The following MIER2 variants were observed in gnomAD, a reference collection of about 807,000 sequenced individuals.
MIER2 encodes the protein MIER family member 2.
MIER2 carries 30 observed loss-of-function variants against 67.6 expected under a neutral mutation model. The ratio of observed to expected loss-of-function variants is 0.44; its 90% CI spans 0.33 to 0.60. The LOEUF (loss-of-function observed/expected upper bound fraction) is 0.60, where lower values mean the gene tolerates loss of function less well. MIER2 is among the 20% of genes least tolerant of loss of function. MIER2 has a pLI of 0.02. For missense variants in MIER2, 702 were observed against 745.1 expected, an observed-to-expected ratio of 0.94 and a Z score of 0.67; for synonymous variants, 372 against 312.6, an observed-to-expected ratio of 1.19 and a Z score of -2.00.
chr19:306,818 C>A (rs1359027600), intron 13 of MIER2, 107 bp from the exon 14 acceptor site: 17 of 1,523,922 alleles, frequency 1.1e-5, no homozygotes, highest in Non-Finnish European at 1.4e-5. Context: ...CTTGCCTCCC[C>A]CACAGCCTAT....
At chr19:341,049 A>G (rs1219288374) in intron 1 of MIER2, among the ~76,000 whole-genome samples, 1 of 152,178 alleles carries the variant, frequency 6.6e-6, no homozygotes, top group Non-Finnish European at 1.5e-5. Context: ...CCAGCCCACA[A>G]CCACTCTACA....
intron 7 of MIER2, 24 bp from the exon 8 acceptor site, chr19:313,667 C>A: frequency 6.2e-7 from 1 of 1,602,224 alleles, no homozygotes. Flanking sequence ...GGGCAAAGGT[C>A]AGCTTGCAGG....
At chr19:317,323 C>A (rs914142507) in intron 7 of MIER2, among the ~76,000 whole-genome samples, 1 of 151,804 alleles carries the variant, frequency 6.6e-6, no homozygotes, top group African/African-American at 2.4e-5. Flanking sequence ...GTCAGGAGAT[C>A]GAGACCACCC....
intron 1 of MIER2, among the ~76,000 whole-genome samples, chr19:337,265 A>G (rs1478087454): frequency 6.6e-6 from 1 of 152,238 alleles, no homozygotes; most frequent in Non-Finnish European, 1.5e-5. Context: ...TGCAAGGTCG[A>G]TTTAATATCC....
chr19:328,381 T>C (rs1333822942), intron 3 of MIER2, among the ~76,000 whole-genome samples: 1 of 151,052 alleles, frequency 6.6e-6, no homozygotes, highest in Non-Finnish European at 1.5e-5. Flanking sequence ...AAAAAAGTTA[T>C]CTGAAAAAGG....
chr19:309,345 C>G (rs994096715), intron 10 of MIER2, among the ~76,000 whole-genome samples: 1 of 152,122 alleles, frequency 6.6e-6, no homozygotes, highest in Non-Finnish European at 1.5e-5. Context: ...TGACAACCCC[C>G]GGGTCCACAG....
chr19:319,502 A>G (rs1971409312), intron 7 of MIER2, among the ~76,000 whole-genome samples: 1 of 152,218 alleles, frequency 6.6e-6, no homozygotes, highest in Non-Finnish European at 1.5e-5. Flanking sequence ...TCTGTCACCC[A>G]GGCTGGAGTG....
rs764545665 is a variant in MIER2 at position 313,509 on chromosome 19, C to G, written c.790G>C (p.Val264Leu). The G allele has an allele frequency of 6.2e-7, 1 of 1,612,062 alleles. No homozygotes were observed. The highest frequency in any genetic ancestry group is 1.7e-5 in the Admixed American group (1 of 59,980). ...GCCCCCACCTGCTCACTGTCTTTCA[C>G]GGCTTCTCCCTCTGGGAGCTGAGGC... ...AGPQLPEGEA[V>L]KDSEQALYEL... Residue 264 changes from valine to leucine, a missense_variant, in exon 8 of 14, where the codon GTG (valine) becomes CTG (leucine). This residue lies in a region of MIER2 where 128 missense variants were observed against 189.7 expected (regional missense o/e 0.67). Coordinates refer to ENST00000264819, the MANE Select transcript of MIER2 (RefSeq NM_017550.3).
At chr19:330,105 A>C (rs528586654) in intron 3 of MIER2, among the ~76,000 whole-genome samples, 17 of 152,230 alleles carry the variant, frequency 1.1e-4, no homozygotes, top group African/African-American at 4.1e-4. Flanking sequence ...GCCACTCAGA[A>C]AGGCACCTGG....
intron 7 of MIER2, among the ~76,000 whole-genome samples, chr19:318,109 G>A (rs1351207026): frequency 1.3e-5 from 2 of 151,756 alleles, no homozygotes; most frequent in South Asian, 2.1e-4. Flanking sequence ...GAGGCAGAGG[G>A]GGAAGAATTG....
chr19:344,483 G>A lies in MIER2; in HGVS notation c.9+291C>T, dbSNP rs1245323684. Reference sequence around the variant, plus strand: ...GGACCCCCGACACCAGCCCCGCCCCGCGTCCCTCCCCTCCCCCACCCCGGC... The same window carrying A: ...GGACCCCCGACACCAGCCCCGCCCCACGTCCCTCCCCTCCCCCACCCCGGC... On this transcript the variant is annotated intron_variant, in intron 1 of 13. Coordinates refer to ENST00000264819, the MANE Select transcript of MIER2 (RefSeq NM_017550.3). 8.2e-6 allele frequency: 5 copies of A among 610,388 alleles called. No homozygotes were observed. In the South Asian group the frequency reaches 2.1e-4, roughly 26 times the overall value. 37.8% of individuals were successfully genotyped at this position (610,388 alleles called of 1,614,324 possible).
chr19:337,635 G>C (rs921566368), intron 1 of MIER2, among the ~76,000 whole-genome samples: 1 of 151,826 alleles, frequency 6.6e-6, no homozygotes, highest in African/African-American at 2.4e-5. Flanking sequence ...GGGAGGCTCA[G>C]GCAGGCGGAT....
intron 1 of MIER2, among the ~76,000 whole-genome samples, chr19:339,225 T>A (rs1296940820): frequency 1.3e-5 from 2 of 151,994 alleles, no homozygotes; most frequent in Admixed American, 6.6e-5. Context: ...ATAAGGAACT[T>A]CTTCTCAGTA....
intron 1 of MIER2, chr19:340,649 G>C (rs1478167510): frequency 2.6e-5 from 4 of 152,366 alleles, no homozygotes; most frequent in Non-Finnish European, 5.9e-5. Flanking sequence ...CCATGTATAA[G>C]TGACCCATGC....
intron 3 of MIER2, among the ~76,000 whole-genome samples, chr19:329,862 G>A (rs1450090199): frequency 6.4e-5 from 6 of 93,410 alleles, no homozygotes; most frequent in Non-Finnish European, 8.3e-5. Flanking sequence ...GCAATACTCC[G>A]TCTCAAAAAA....
intron 1 of MIER2, among the ~76,000 whole-genome samples, chr19:342,702 C>G (rs760967508): frequency 6.6e-6 from 1 of 151,364 alleles, no homozygotes; most frequent in African/African-American, 2.4e-5. Context: ...GTAGCTAGTA[C>G]TGATCACGTG....
At chr19:326,165 C>G (rs1182537900) in intron 6 of MIER2, among the ~76,000 whole-genome samples, 4 of 146,364 alleles carry the variant, frequency 2.7e-5, no homozygotes, top group Middle Eastern at 3.9e-3. Flanking sequence ...AGGTTGGGGA[C>G]ACGGCAGAAC....
chr19:310,374 A>G (rs1194172709), intron 10 of MIER2, among the ~76,000 whole-genome samples: 1 of 152,216 alleles, frequency 6.6e-6, no homozygotes, highest in Non-Finnish European at 1.5e-5. Context: ...GCACGCCACG[A>G]GGGAGCTCTT....
chr19:343,544 C>A (rs1972596715), intron 1 of MIER2, among the ~76,000 whole-genome samples: 1 of 152,222 alleles, frequency 6.6e-6, no homozygotes, highest in African/African-American at 2.4e-5. Flanking sequence ...CTGAGGTCGT[C>A]ACCAGGGGGA....
Sources: gnomAD v4.1 joint callset for allele counts (sites outside exome capture counted in the v4.1 genomes callset) on GRCh38, gnomAD v4.1.1 for gene constraint, gnomAD v4.1.1 regional missense constraint, MANE v1.5 for transcripts, NCBI Gene and HGNC (gene_info 2026-07-23, HGNC 2026-07-21) for gene names.